The following DACH2 variants were observed in gnomAD, a reference collection of about 807,000 sequenced individuals.
The protein encoded by DACH2 is dachshund family transcription factor 2.
In DACH2, 17 loss-of-function variants were observed where a neutral mutation model predicts 35.8. The ratio of observed to expected loss-of-function variants is 0.48; its 90% CI spans 0.33 to 0.71. The LOEUF (loss-of-function observed/expected upper bound fraction) is 0.71, where lower values mean the gene tolerates loss of function less well. Among genes scored for constraint, DACH2 ranks in the 30% least tolerant of loss-of-function variants. The pLI is 0.02. For missense variants in DACH2, 469 were observed against 472.7 expected (o/e 0.99, Z 0.07); for synonymous variants, 195 against 177.3 (o/e 1.10, Z -0.79).
intron 1 of DACH2, among the ~76,000 whole-genome samples, chrX:86,293,767 C>A (rs2034368292): frequency 9.0e-6 from 1 of 111,629 alleles, no homozygotes. Flanking sequence ...TCTCTTCTGG[C>A]TTGTAGAGTT....
intron 2 of DACH2, among the ~76,000 whole-genome samples, chrX:86,426,890 C>T (rs1009644327): frequency 3.6e-5 from 4 of 112,077 alleles, no homozygotes; most frequent in Non-Finnish European, 7.5e-5. Context: ...CATAAGGACA[C>T]ATTAAATCCA....
chrX:86,333,503 G>A (rs1167647004), intron 1 of DACH2, among the ~76,000 whole-genome samples: 2 of 111,479 alleles, frequency 1.8e-5, no homozygotes, highest in Non-Finnish European at 3.8e-5. Context: ...AAGGGGTTCA[G>A]AAAGACAGCT....
intron 1 of DACH2, among the ~76,000 whole-genome samples, chrX:86,244,449 C>A (rs1257466634): frequency 9.0e-6 from 1 of 111,680 alleles, no homozygotes; most frequent in African/African-American, 3.3e-5. Flanking sequence ...CAGAAAATAT[C>A]CAATTTCCTC....
At chrX:86,266,856 C>T (rs2147967777) in intron 1 of DACH2, among the ~76,000 whole-genome samples, 1 of 111,635 alleles carries the variant, frequency 9.0e-6, no homozygotes, top group East Asian at 2.8e-4. Context: ...TAATTATGTA[C>T]ATTTATCTTT....
intron 1 of DACH2, among the ~76,000 whole-genome samples, chrX:86,245,266 C>T (rs922390889): frequency 8.9e-6 from 1 of 111,837 alleles, no homozygotes; most frequent in African/African-American, 3.3e-5. Context: ...GGCACTGCCA[C>T]AGAGCCACAA....
chrX:86,716,242 C>T (rs1013792440), intron 6 of DACH2, among the ~76,000 whole-genome samples: 2 of 111,711 alleles, frequency 1.8e-5, no homozygotes, highest in African/African-American at 6.5e-5. Context: ...AATGAGAGCT[C>T]TGTTATTAAA....
rs2038539535 is a variant in DACH2, at chrX:86,520,653, G to A, written c.640+6262G>A. ...GCTGAATTAAAGACTTTACCATTAT[G>A]TAATGCCCCTTCTTAAAAATATTTC... On this transcript the variant is annotated intron_variant, in intron 3 of 11. Coordinates refer to ENST00000373125, the MANE Select transcript of DACH2 (RefSeq NM_053281.3). Among the ~76,000 whole-genome samples, 4 of 111,519 alleles carry A rather than the reference G, an allele frequency of 3.6e-5. No individual in the cohort carries two copies. The South Asian group carries it at 1.5e-3, about 42-fold the overall frequency.
intron 3 of DACH2, among the ~76,000 whole-genome samples, chrX:86,523,214 A>C (rs1465594189): frequency 9.0e-6 from 1 of 111,543 alleles, no homozygotes; most frequent in Admixed American, 9.5e-5. Flanking sequence ...ACAGCACTCA[A>C]CTCGGGATTA....
chrX:86,407,902 C>T (rs2036550649), intron 2 of DACH2, among the ~76,000 whole-genome samples: 1 of 111,655 alleles, frequency 9.0e-6, no homozygotes, highest in Non-Finnish European at 1.9e-5. Context: ...TTTATCAGAC[C>T]ATCTATGTGA....
Position 86,726,178 on chromosome X carries a change from A to C in DACH2, c.1104+11458A>C, listed in dbSNP as rs1213120357. Among the ~76,000 whole-genome samples the C allele has an allele frequency of 3.6e-5, 4 of 111,555 alleles. No homozygotes were observed. In the East Asian group the frequency reaches 1.1e-3, roughly 32 times the overall value. On this transcript the variant is annotated intron_variant, in intron 6 of 11. Coordinates refer to ENST00000373125, the MANE Select transcript of DACH2 (RefSeq NM_053281.3). ...GCACCATGCGCAGGTAGCTCTGGAA[A>C]GTACAGCCTGTCCACATCTTTGTCT...
intron 1 of DACH2, among the ~76,000 whole-genome samples, chrX:86,187,019 T>C (rs1210267562): frequency 1.8e-5 from 2 of 112,113 alleles, no homozygotes; most frequent in Non-Finnish European, 3.8e-5. Context: ...TTGAGTCTTC[T>C]AGTCATTGGA....
intron 3 of DACH2, among the ~76,000 whole-genome samples, chrX:86,598,992 C>T (rs1333982714): frequency 9.1e-6 from 1 of 109,609 alleles, no homozygotes; most frequent in African/African-American, 3.4e-5. Flanking sequence ...TGTGATGTTC[C>T]CCTTCCTGTG....
At chrX:86,615,886 T>C (rs1341368838) in intron 3 of DACH2, among the ~76,000 whole-genome samples, 1 of 110,692 alleles carries the variant, frequency 9.0e-6, no homozygotes, top group Non-Finnish European at 1.9e-5. Context: ...CTAAGCATAG[T>C]ATCCAATAAT....
At chrX:86,406,181 A>G (rs2036525304) in intron 2 of DACH2, among the ~76,000 whole-genome samples, 1 of 112,089 alleles carries the variant, frequency 8.9e-6, no homozygotes, top group Non-Finnish European at 1.9e-5. Flanking sequence ...AAAATAGTAC[A>G]TATGCACAGT....
chrX:86,589,452 A>G (rs932738538), intron 3 of DACH2, among the ~76,000 whole-genome samples: 4 of 111,488 alleles, frequency 3.6e-5, no homozygotes, highest in African/African-American at 9.7e-5. Context: ...TGGAAACTAT[A>G]GTGACTTTTT....
intron 4 of DACH2, among the ~76,000 whole-genome samples, chrX:86,674,370 C>T (rs976190134): frequency 8.9e-6 from 1 of 112,509 alleles, no homozygotes; most frequent in African/African-American, 3.2e-5. Flanking sequence ...AAGAAATAAG[C>T]AGTGATTAGA....
At chrX:86,381,977 G>T (rs1168853850) in intron 2 of DACH2, among the ~76,000 whole-genome samples, 1 of 110,746 alleles carries the variant, frequency 9.0e-6, no homozygotes, top group Non-Finnish European at 1.9e-5. Flanking sequence ...CTTTGTGTTT[G>T]CTTTCAAGCT....
At chrX:86,520,674 A>G in intron 3 of DACH2, among the ~76,000 whole-genome samples, 1 of 110,645 alleles carries the variant, frequency 9.0e-6, no homozygotes, top group African/African-American at 3.3e-5. Context: ...TCTTAAAAAT[A>G]TTTCATTGGT....
At chrX:86,313,686 G>A (rs1230470150) in intron 1 of DACH2, among the ~76,000 whole-genome samples, 1 of 111,772 alleles carries the variant, frequency 8.9e-6, no homozygotes, top group African/African-American at 3.3e-5. Context: ...TTATATCTAT[G>A]TTCTTTTTGT....
Sources: allele counts gnomAD v4.1 joint callset (sites outside exome capture counted in the v4.1 genomes callset), GRCh38; gene constraint gnomAD v4.1.1; transcripts MANE v1.5; gene names NCBI Gene and HGNC (gene_info 2026-07-23, HGNC 2026-07-21).